Variants in ADGRB1 observed in about 807,000 individuals in gnomAD.
ADGRB1 encodes the protein adhesion G protein-coupled receptor B1, also known as brain-specific angiogenesis inhibitor 1.
Under a neutral mutation model 175.7 loss-of-function variants are expected in ADGRB1, and 36 were observed. The observed-to-expected ratio is 0.20, with a 90% CI of 0.16 to 0.27. The LOEUF is 0.27. Among genes scored for constraint, ADGRB1 ranks in the 10% least tolerant of loss-of-function variants. The probability of loss-of-function intolerance (pLI) is 1.00; values close to 1 mark genes in which losing one functional copy is unlikely to be tolerated. For synonymous variants in ADGRB1, 1,054 were observed against 979.4 expected (o/e 1.08, Z -1.42); for missense variants, 1,731 against 2,255.3 (o/e 0.77, Z 4.71).
chr8:142,530,886 TCC>T (rs1844586513), intron 24 of ADGRB1, among the ~76,000 whole-genome samples: 3 of 152,162 alleles, frequency 2.0e-5, no homozygotes, highest in Non-Finnish European at 2.9e-5. Flanking sequence ...CTTCAGCAGC[TCC>T]CGGGCCTTTC....
intron 27 of ADGRB1, 143 bp downstream of exon 27, chr8:142,539,556 C>A: frequency 9.7e-7 from 1 of 1,035,330 alleles, no homozygotes; most frequent in Middle Eastern, 2.5e-4. Flanking sequence ...ACCGTCAGGC[C>A]CACCTGGACC....
chr8:142,483,909 C>A (rs1221554849), intron 11 of ADGRB1, 68 bp from the exon 12 acceptor site: 2 of 1,532,988 alleles, frequency 1.3e-6, no homozygotes, highest in Non-Finnish European at 1.8e-6. Flanking sequence ...AATCCTGACC[C>A]TGGTCACAGT....
chr8:142,544,505 G>A lies in ADGRB1; in HGVS notation c.*88G>A, dbSNP rs942110398. ...CGCAGACGGGCACAGACACGCTCGCGGGCAGCGGGCCAGGCCCGCACCCCG... is the reference window on the plus strand; with the variant it reads ...CGCAGACGGGCACAGACACGCTCGCAGGCAGCGGGCCAGGCCCGCACCCCG... On this transcript the variant is annotated 3_prime_UTR_variant, in exon 31 of 31. Coordinates refer to ENST00000517894, the MANE Select transcript of ADGRB1 (RefSeq NM_001702.3). The A allele has an allele frequency of 1.5e-5, 21 of 1,376,636 alleles. No individual in the cohort carries two copies. Among genetic ancestry groups the A allele is most frequent in the East Asian group, 2.9e-5 (1 of 34,822 alleles). The allele number at this position is 1,376,636 out of a possible 1,614,324, so 85.3% of individuals were successfully genotyped here.
At chr8:142,472,238 G>A (rs369751935) in intron 2 of ADGRB1, among the ~76,000 whole-genome samples, 3 of 152,308 alleles carry the variant, frequency 2.0e-5, no homozygotes, top group African/African-American at 7.2e-5. Context: ...ACAGCCTCCA[G>A]TCTGGGGCGC....
intron 18 of ADGRB1, among the ~76,000 whole-genome samples, chr8:142,512,937 G>A (rs545295092): frequency 1.2e-4 from 18 of 152,280 alleles, no homozygotes; most frequent in Non-Finnish European, 1.6e-4. Flanking sequence ...GTGCACGAGG[G>A]GGAGGAAGCG....
At chr8:142,480,829 C>T (rs141733576) in intron 9 of ADGRB1, among the ~76,000 whole-genome samples, 2,416 of 152,294 alleles carry the variant, frequency 0.016, 38 homozygotes, top group Non-Finnish European at 0.024. Flanking sequence ...CCAGCAGCAC[C>T]CCAAGGCTGC....
chr8:142,452,776 C>T (rs1425821173), intron 1 of ADGRB1, among the ~76,000 whole-genome samples: 5 of 151,944 alleles, frequency 3.3e-5, no homozygotes, highest in Non-Finnish European at 1.5e-5. Context: ...CCCCGGTCGG[C>T]CCGACCCCGC....
Position 142,537,686 on chromosome 8 carries a change from C to A in ADGRB1, c.3666+604C>A, listed in dbSNP as rs992130351. Among the ~76,000 whole-genome samples, 2 of 152,110 alleles carry A rather than the reference C, an allele frequency of 1.3e-5. No homozygotes were observed. Among genetic ancestry groups the A allele is most frequent in the South Asian group, 2.1e-4 (1 of 4,830 alleles). ...GGTGTCCTCAGCGGTGTGTTCTGCA[C>A]CCCCCGCCCCTGCCTGTGCCTGCGC... On this transcript the variant is annotated intron_variant, in intron 26 of 30. Coordinates refer to ENST00000517894, the MANE Select transcript of ADGRB1 (RefSeq NM_001702.3). The surrounding 1 kb of genome is among the most constrained non-coding windows in gnomAD (Gnocchi z 4.6).
intron 19 of ADGRB1, 105 bp downstream of exon 19, chr8:142,518,346 T>G: frequency 8.6e-7 from 1 of 1,167,938 alleles, no homozygotes; most frequent in Non-Finnish European, 1.2e-6. Flanking sequence ...TCCCTCCATT[T>G]GTCCTCACGT....
intron 13 of ADGRB1, among the ~76,000 whole-genome samples, chr8:142,487,516 A>G (rs941942091): frequency 1.1e-4 from 17 of 152,032 alleles, no homozygotes; most frequent in African/African-American, 2.7e-4. Flanking sequence ...GGCGCTACTG[A>G]TGCGCATGCC....
intron 12 of ADGRB1, among the ~76,000 whole-genome samples, chr8:142,484,320 T>C (rs1034354418): frequency 1.3e-5 from 2 of 152,130 alleles, no homozygotes; most frequent in Non-Finnish European, 1.5e-5. Flanking sequence ...AGCTGGGACA[T>C]AGAGCCCTCC....
chr8:142,543,465 G>T lies in ADGRB1; in HGVS notation c.4449+27G>T. Reference sequence around the variant, plus strand: ...TGAGTTCTGGTGTCCCCCCCCACCAGACACTTAGGGCCAGATGTGCTCTGG... The same window carrying T: ...TGAGTTCTGGTGTCCCCCCCCACCATACACTTAGGGCCAGATGTGCTCTGG... On this transcript the variant is annotated intron_variant, in intron 29 of 30. Coordinates refer to ENST00000517894, the MANE Select transcript of ADGRB1 (RefSeq NM_001702.3). This position sits in a 1 kb window ranked among gnomAD's most constrained non-coding sequence, Gnocchi z 4.4. 1.2e-6 allele frequency: 2 copies of T among 1,613,386 alleles called. No individual in the cohort carries two copies. Among genetic ancestry groups the T allele is most frequent in the Non-Finnish European group, 1.7e-6 (2 of 1,179,648 alleles).
chr8:142,460,951 C>CTCTGCCACCTCTT (rs1839938281), intron 1 of ADGRB1, among the ~76,000 whole-genome samples: 1 of 152,246 alleles, frequency 6.6e-6, no homozygotes, highest in East Asian at 1.9e-4. Context: ...TTCTGATCCC[C>CTCTGCCACCTCTT]TCTGCCACCT....
In ADGRB1 at chr8:142,533,327, C is replaced by T. The variant is rs769734277; in HGVS notation, c.3431C>T (p.Pro1144Leu). The T allele has an allele frequency of 6.4e-7, 1 of 1,573,430 alleles. No individual in the cohort carries two copies. The highest frequency in any genetic ancestry group is 8.6e-7 in the Non-Finnish European group (1 of 1,163,006). ...CTGTGGAGCTCCTGCGTGGTGCTGC[C>T]GCTGCTGGCGCTGACCTGGATGTCG... ...ASLWSSCVVL[P>L]LLALTWMSAV... The change falls in exon 25 of 31, where the codon CCG (proline) becomes CTG (leucine). Residue 1144 changes from proline (P) to leucine (L), a missense_variant. This residue lies in a region of ADGRB1 where 301 missense variants were observed against 488.4 expected (regional missense o/e 0.62). Coordinates refer to ENST00000517894, the MANE Select transcript of ADGRB1 (RefSeq NM_001702.3).
intron 22 of ADGRB1, among the ~76,000 whole-genome samples, chr8:142,523,545 C>T (rs1187999193): frequency 6.6e-6 from 1 of 151,916 alleles, no homozygotes; most frequent in Non-Finnish European, 1.5e-5. Flanking sequence ...GAAATCCAAA[C>T]ACTGTCCCCA....
At chr8:142,522,818 T>G in intron 22 of ADGRB1, 108 bp downstream of exon 22, 1 of 1,230,584 alleles carries the variant, frequency 8.1e-7, no homozygotes, top group Non-Finnish European at 1.1e-6. Flanking sequence ...GTGACCCTGA[T>G]CATCTCACAG....
intron 17 of ADGRB1, among the ~76,000 whole-genome samples, chr8:142,494,213 G>GT (rs748554461): frequency 3.3e-5 from 5 of 152,264 alleles, no homozygotes; most frequent in Non-Finnish European, 5.9e-5. Context: ...CTCAGACTGA[G>GT]TTTTTACCCT....
intron 25 of ADGRB1, among the ~76,000 whole-genome samples, chr8:142,534,928 CTCG>C (rs1421217488): frequency 6.6e-6 from 1 of 152,172 alleles, no homozygotes; most frequent in Admixed American, 6.5e-5. Context: ...CTCCAGGGAG[CTCG>C]TCACAGGAGC....
chr8:142,464,477 C>T lies in ADGRB1; in HGVS notation c.279C>T (p.Cys93=). Residue 93 remains cysteine (C), a synonymous_variant, in exon 2 of 31, where the codon TGC becomes TGT. Coordinates refer to ENST00000517894, the MANE Select transcript of ADGRB1 (RefSeq NM_001702.3). ...YMKVAKAPVP[C]SGPGRVRTYQ... ...AGGTGGCCAAGGCGCCCGTGCCCTG[C>T]AGCGGCCCCGGCCGCGTGCGCACCT... The T allele has an allele frequency of 6.3e-7, 1 of 1,582,258 alleles. No individual in the cohort carries two copies.
Sources: gnomAD v4.1 joint callset for allele counts (sites outside exome capture counted in the v4.1 genomes callset) on GRCh38, gnomAD v4.1.1 for gene constraint, gnomAD v4.1.1 regional missense constraint, Gnocchi (gnomAD v3.1) non-coding constraint, MANE v1.5 for transcripts, NCBI Gene and HGNC (gene_info 2026-07-23, HGNC 2026-07-21) for gene names.